The following GARS1 variants were observed in gnomAD, a reference collection of about 807,000 sequenced individuals.
GARS1 encodes the protein glycyl-tRNA synthetase 1.
In GARS1, 46 loss-of-function variants were observed where a neutral mutation model predicts 86.4. The ratio of observed to expected loss-of-function variants is 0.53; its 90% CI spans 0.42 to 0.68. The LOEUF is 0.68. Ranked by LOEUF, GARS1 falls within the 30% of genes least tolerant of loss-of-function variation. The pLI is 0.00. For synonymous variants in GARS1, 342 were observed against 329.8 expected, an observed-to-expected ratio of 1.04 and a Z score of -0.40; for missense variants, 797 against 915.6, an observed-to-expected ratio of 0.87 and a Z score of 1.67.
At chr7:30,598,705 A>G in intron 1 of GARS1, 91 bp from the exon 2 acceptor site, 1 of 1,078,744 alleles carries the variant, frequency 9.3e-7, no homozygotes, top group African/African-American at 1.6e-5. Context: ...ATTCTTACAT[A>G]GACTTTTTAA....
In GARS1 at chr7:30,617,179, T is replaced by C. The variant is rs1352689452; in HGVS notation, c.1260T>C (p.Val420=). ...IGRIYLYLTK[V]GISPDKLRFR... ...GCATCTACCTCTACCTCACGAAGGT[T>C]GGAATATCTCCAGATAAACTCCGCT... is the stretch of plus-strand genomic sequence containing the variant. Residue 420 remains valine (V), a synonymous_variant, in exon 10 of 17, where the codon GTT becomes GTC. Transcript: ENST00000389266. 1.2e-6 allele frequency: 2 copies of C among 1,613,974 alleles called. No individual in the cohort carries two copies. Among genetic ancestry groups the C allele is most frequent in the Non-Finnish European group, 1.7e-6 (2 of 1,179,940 alleles).
intron 15 of GARS1, 130 bp downstream of exon 15, chr7:30,631,671 T>G: frequency 2.8e-6 from 2 of 711,036 alleles, no homozygotes; most frequent in Non-Finnish European, 5.0e-6. Context: ...AAAGAGTACA[T>G]GATTTTAGCC....
chr7:30,620,480 C>A (rs901068840), intron 10 of GARS1, among the ~76,000 whole-genome samples: 1 of 152,164 alleles, frequency 6.6e-6, no homozygotes, highest in African/African-American at 2.4e-5. Context: ...TCCTCATGAC[C>A]TAATCACCTC....
chr7:30,627,304 C>G (rs539897294), intron 13 of GARS1: 37 of 206,680 alleles, frequency 1.8e-4, no homozygotes, highest in African/African-American at 8.4e-4. Context: ...CCGTCACAGT[C>G]TGGGGCTTTA....
At chr7:30,625,161 C>G (rs1172194249) in intron 12 of GARS1, among the ~76,000 whole-genome samples, 5 of 152,182 alleles carry the variant, frequency 3.3e-5, no homozygotes, top group Non-Finnish European at 7.3e-5. Flanking sequence ...CCAGGCTGGT[C>G]TTGAACTCCT....
chr7:30,613,215 C>G (rs1050568301), intron 8 of GARS1, among the ~76,000 whole-genome samples: 2 of 152,082 alleles, frequency 1.3e-5, no homozygotes, highest in African/African-American at 4.8e-5. Context: ...TATCTCTAGG[C>G]CCTACAGGTT....
chr7:30,629,458 AT>A (rs1783194716), intron 14 of GARS1, among the ~76,000 whole-genome samples: 1 of 152,112 alleles, frequency 6.6e-6, no homozygotes, highest in South Asian at 2.1e-4. Flanking sequence ...TCCTGGGCAG[AT>A]TACTAGGAAA....
At chr7:30,603,646 C>T in intron 6 of GARS1, 74 bp downstream of exon 6, 1 of 1,041,344 alleles carries the variant, frequency 9.6e-7, no homozygotes. Context: ...ATGACTGTTG[C>T]ATTTCCCATT....
In GARS1 at chr7:30,632,387, C is replaced by A. The variant is rs1437642803; in HGVS notation, c.2044C>A (p.His682Asn). 2.0e-5 allele frequency: 32 copies of A among 1,614,050 alleles called. No homozygotes were observed. Among genetic ancestry groups the A allele is most frequent in the Non-Finnish European group, 2.5e-5 (30 of 1,180,030 alleles). Residue 682 changes from histidine to asparagine, a missense_variant, in exon 16 of 17, where the codon CAC (histidine) becomes AAC (asparagine). Around this residue, in one of 2 missense-constraint regions of GARS1, gnomAD observed 598 missense variants for 738.7 expected, o/e 0.81. Coordinates refer to ENST00000389266, the MANE Select transcript of GARS1 (RefSeq NM_002047.4). The surrounding 1 kb of genome is among the most constrained non-coding windows in gnomAD (Gnocchi z 4.1). ...CTTTGACACAGTGAACAAGACCCCC[C>A]ACACTGCAACTCTGAGGGACCGTGA... Reference protein sequence around the residue: ...IDFDTVNKTPHTATLRDRDSM... With the variant: ...IDFDTVNKTPNTATLRDRDSM...
chr7:30,624,581 A>G (rs1439391396), intron 12 of GARS1, among the ~76,000 whole-genome samples: 5 of 152,332 alleles, frequency 3.3e-5, no homozygotes, highest in African/African-American at 9.6e-5. Context: ...AAGTTAAAAA[A>G]TGGATAGAAT....
intron 8 of GARS1, among the ~76,000 whole-genome samples, chr7:30,614,612 A>G (rs926551874): frequency 6.6e-6 from 1 of 152,320 alleles, no homozygotes; most frequent in African/African-American, 2.4e-5. Context: ...GCAGTGGCTC[A>G]CGCCTGTAAT....
Position 30,616,273 on chromosome 7 carries a change from GA to G in GARS1, c.1194+223del, listed in dbSNP as rs888602073. Among the ~76,000 whole-genome samples the G allele has an allele frequency of 7.2e-5, 11 of 152,014 alleles. No individual in the cohort carries two copies. The East Asian group carries it at 1.4e-3, about 19-fold the overall frequency. ...AATTTGTGGGCCTTGGGGCTAGCAT[GA>G]AAAAAAATGTTTAGCAGAGCACTTG... On this transcript the variant is annotated intron_variant, in intron 9 of 16. Coordinates refer to ENST00000389266, the MANE Select transcript of GARS1 (RefSeq NM_002047.4).
intron 1 of GARS1, 105 bp downstream of exon 1, chr7:30,595,248 C>T (rs1411469036): frequency 6.1e-5 from 68 of 1,113,742 alleles, no homozygotes; most frequent in Non-Finnish European, 6.5e-5. Context: ...TCTTCGGTTA[C>T]CCCTTTCTTT....
chr7:30,621,484 A>C lies in GARS1; in HGVS notation c.1451A>C (p.Lys484Thr), dbSNP rs528223570. ...RATKVPLVAE[K>T]PLKEPKTVNV... ...ACCAAAGTCCCACTTGTAGCTGAGAAACCTCTGAAAGAACCCATATCCTTT... is the reference window on the plus strand; with the variant it reads ...ACCAAAGTCCCACTTGTAGCTGAGACACCTCTGAAAGAACCCATATCCTTT... The change falls in exon 11 of 17, where the codon AAA becomes ACA. Residue 484 changes from lysine (K) to threonine (T), a missense_variant. Coordinates refer to ENST00000389266, the MANE Select transcript of GARS1 (RefSeq NM_002047.4). The C allele has an allele frequency of 9.3e-6, 15 of 1,614,028 alleles. No individual in the cohort carries two copies. The African/African-American group carries it at 1.1e-4, about 11-fold the overall frequency.
rs562887552 is a variant in GARS1, at chr7:30,624,268, C to T, written c.1613+1806C>T. 2.0e-5 allele frequency among the ~76,000 whole-genome samples: 3 copies of T among 152,224 alleles called. No individual in the cohort carries two copies. In the East Asian group the frequency reaches 5.8e-4, roughly 29 times the overall value. ...AGAGTGCATTGCCAGCAGACCTCCACTATGAGAATTGTTAAAGGCACTTCT... is the reference window on the plus strand; with the variant it reads ...AGAGTGCATTGCCAGCAGACCTCCATTATGAGAATTGTTAAAGGCACTTCT... On this transcript the variant is annotated intron_variant, in intron 12 of 16. Coordinates refer to ENST00000389266, the MANE Select transcript of GARS1 (RefSeq NM_002047.4).
Position 30,631,552 on chromosome 7 carries a change from T to C in GARS1, c.1903+11T>C. ...TTGTCAAGGAATTATGTAAGCAAAT[T>C]CAATTGGGTAAACTCCATGGGAACA... On this transcript the variant is annotated intron_variant, in intron 15 of 16. Transcript: ENST00000389266. The C allele has an allele frequency of 6.4e-7, 1 of 1,573,582 alleles. No individual in the cohort carries two copies. Among genetic ancestry groups the C allele is most frequent in the Non-Finnish European group, 8.7e-7 (1 of 1,143,266 alleles).
chr7:30,603,449 T>C (rs1562772953), intron 5 of GARS1, 47 bp from the exon 6 acceptor site: 1 of 1,428,336 alleles, frequency 7.0e-7, no homozygotes. Context: ...GAAAAGTGCA[T>C]TGTCCTTTTT....
intron 13 of GARS1, 55 bp from the exon 14 acceptor site, chr7:30,628,505 A>C: frequency 7.8e-7 from 1 of 1,281,580 alleles, no homozygotes; most frequent in Non-Finnish European, 1.1e-6. Flanking sequence ...AGAGAATCTG[A>C]AATGCATTAT....
At chr7:30,618,400 G>A (rs1038154529) in intron 10 of GARS1, among the ~76,000 whole-genome samples, 17 of 152,168 alleles carry the variant, frequency 1.1e-4, no homozygotes, top group African/African-American at 3.4e-4. Flanking sequence ...TTGGGAGGCC[G>A]AGGTGGGAAG....
Sources: gnomAD v4.1 joint callset for allele counts (sites outside exome capture counted in the v4.1 genomes callset) on GRCh38, gnomAD v4.1.1 for gene constraint, gnomAD v4.1.1 regional missense constraint, Gnocchi (gnomAD v3.1) non-coding constraint, MANE v1.5 for transcripts, NCBI Gene and HGNC (gene_info 2026-07-23, HGNC 2026-07-21) for gene names.